PARD3B: variants seen among roughly 807,000 people sequenced by gnomAD.
PARD3B encodes partitioning defective 3 homolog B.
In PARD3B, 103 loss-of-function variants were observed where a neutral mutation model predicts 130.2. The ratio of observed to expected loss-of-function variants is 0.79; its 90% CI spans 0.67 to 0.93. PARD3B has a LOEUF of 0.93. Ranked by LOEUF, PARD3B falls within the 40% of genes least tolerant of loss-of-function variation. The pLI, the probability that PARD3B is intolerant of heterozygous loss-of-function variation, is 0.00. For missense variants in PARD3B, 1,609 were observed against 1,499.2 expected (o/e 1.07, Z -1.21); for synonymous variants, 583 against 553.2 (o/e 1.05, Z -0.76).
intron 22 of PARD3B, among the ~76,000 whole-genome samples, chr2:205,588,533 G>A (rs150587768): frequency 2.4e-4 from 36 of 151,734 alleles, no homozygotes; most frequent in East Asian, 7.7e-4. Flanking sequence ...GTGTGTGTGC[G>A]TGTGCATATC....
chr2:205,300,379 C>G lies in PARD3B; in HGVS notation c.2186-151C>G. On this transcript the variant is annotated intron_variant, in intron 16 of 22. Coordinates refer to ENST00000406610, the MANE Select transcript of PARD3B (RefSeq NM_001302769.2). This position sits in a 1 kb window ranked among gnomAD's most constrained non-coding sequence, Gnocchi z 4.1. Reference sequence around the variant, plus strand: ...AAGTCAAACCACTTGTTCAAGGTTACAAAAGGTGGCAAAGCTGGAGTATAA... The same window carrying G: ...AAGTCAAACCACTTGTTCAAGGTTAGAAAAGGTGGCAAAGCTGGAGTATAA... 1.5e-6 allele frequency: 1 copy of G among 680,736 alleles called. No homozygotes were observed. Among genetic ancestry groups the G allele is most frequent in the South Asian group, 1.9e-5 (1 of 54,004 alleles). The allele number at this position is 680,736 out of a possible 1,614,324, so 42.2% of individuals were successfully genotyped here.
chr2:204,778,536 G>A (rs948328988), intron 2 of PARD3B, among the ~76,000 whole-genome samples: 1 of 148,866 alleles, frequency 6.7e-6, no homozygotes, highest in African/African-American at 2.5e-5. Flanking sequence ...GGTTGTACAT[G>A]GATGATAGTG....
rs539488728 is a variant in PARD3B at position 204,737,099 on chromosome 2, T to C, written c.222+50817T>C. Among the ~76,000 whole-genome samples, 5 of 152,106 alleles carry C rather than the reference T, an allele frequency of 3.3e-5. No homozygotes were observed. In the South Asian group the frequency reaches 1.0e-3, roughly 32 times the overall value. The stretch of plus-strand genomic sequence containing the variant: ...GTAGCTGGAATTACAGCTATGGAAT[T>C]ACAGCTGGAATTACAGCACATGCCA... On this transcript the variant is annotated intron_variant, in intron 2 of 22. Coordinates refer to ENST00000406610, the MANE Select transcript of PARD3B (RefSeq NM_001302769.2).
At chr2:204,685,501 G>A (rs1233942228) in intron 1 of PARD3B, among the ~76,000 whole-genome samples, 2 of 152,182 alleles carry the variant, frequency 1.3e-5, no homozygotes, top group African/African-American at 4.8e-5. Context: ...GTTTTTAAAA[G>A]TAAGCAGTTT....
intron 2 of PARD3B, among the ~76,000 whole-genome samples, chr2:204,752,435 C>T (rs1008711246): frequency 6.6e-6 from 1 of 152,150 alleles, no homozygotes; most frequent in African/African-American, 2.4e-5. Context: ...AAGCACACAT[C>T]TAATGAATTC....
At chr2:205,088,233 G>A (rs1701862233) in intron 4 of PARD3B, among the ~76,000 whole-genome samples, 1 of 152,130 alleles carries the variant, frequency 6.6e-6, no homozygotes. Context: ...ACTCAGTGAT[G>A]CATTTGACAG....
chr2:204,796,358 T>C (rs777858055), intron 2 of PARD3B, among the ~76,000 whole-genome samples: 2 of 152,196 alleles, frequency 1.3e-5, no homozygotes, highest in Non-Finnish European at 2.9e-5. Context: ...ATAGTCCTTC[T>C]TGGGAAAAGA....
chr2:205,535,093 T>C (rs1428023610), intron 21 of PARD3B, among the ~76,000 whole-genome samples: 1 of 152,206 alleles, frequency 6.6e-6, no homozygotes. Flanking sequence ...TGTAGACATA[T>C]TGCCCCCATA....
chr2:204,966,486 T>C (rs1463178924), intron 3 of PARD3B, among the ~76,000 whole-genome samples: 1 of 152,138 alleles, frequency 6.6e-6, no homozygotes, highest in Non-Finnish European at 1.5e-5. Context: ...GGATGCCTTT[T>C]TATCCATTAT....
intron 19 of PARD3B, among the ~76,000 whole-genome samples, chr2:205,430,111 A>G (rs2047278794): frequency 6.6e-6 from 1 of 152,238 alleles, no homozygotes; most frequent in Non-Finnish European, 1.5e-5. Flanking sequence ...GTATCCAAAT[A>G]GGATTGCATC....
rs576635206 is a variant in PARD3B, at chr2:205,023,243, G to T, written c.395-24338G>T. Among the ~76,000 whole-genome samples the T allele has an allele frequency of 1.1e-4, 16 of 152,224 alleles. No individual in the cohort carries two copies. In the South Asian group the frequency reaches 3.1e-3, roughly 30 times the overall value. ...CCCACTGGGCAGGATTGCAGAGAAG[G>T]CTTTGTTTTCAACACCATCTGGCAC... On this transcript the variant is annotated intron_variant, in intron 3 of 22. Transcript: ENST00000406610.
At chr2:204,935,380 A>AC (rs1559276173) in intron 2 of PARD3B, among the ~76,000 whole-genome samples, 1 of 148,700 alleles carries the variant, frequency 6.7e-6, no homozygotes. Flanking sequence ...ATACAAAAAA[A>AC]AAAAAAAAAT....
At chr2:204,589,441 C>G (rs139214992) in intron 1 of PARD3B, among the ~76,000 whole-genome samples, 13 of 152,304 alleles carry the variant, frequency 8.5e-5, no homozygotes, top group Admixed American at 4.6e-4. Flanking sequence ...TTACTGGGAG[C>G]CAGTATGGAC....
At position 205,585,459 on chromosome 2, in the gene PARD3B, G is replaced by A. The variant is rs80181585; in HGVS notation, c.3261-29997G>A. On this transcript the variant is annotated intron_variant, in intron 22 of 22. Transcript: ENST00000406610. The surrounding 1 kb of genome is among the most constrained non-coding windows in gnomAD (Gnocchi z 5.4). The stretch of plus-strand genomic sequence containing the variant: ...TCCAACCTAATGAATCATTTAATGG[G>A]GATGAGAAGGCCAGGATGGTAGCCT... Among the ~76,000 whole-genome samples the A allele has an allele frequency of 2.4e-3, 365 of 152,236 alleles. No individual in the cohort carries two copies. The highest frequency in any genetic ancestry group is 8.0e-3 in the African/African-American group (332 of 41,540).
intron 1 of PARD3B, among the ~76,000 whole-genome samples, chr2:204,572,927 A>C (rs2032076642): frequency 6.6e-6 from 1 of 152,186 alleles, no homozygotes; most frequent in Non-Finnish European, 1.5e-5. Context: ...GGAAATGACC[A>C]CTCTCTTCTT....
chr2:205,003,825 T>C (rs1490156438), intron 3 of PARD3B, among the ~76,000 whole-genome samples: 2 of 152,194 alleles, frequency 1.3e-5, no homozygotes, highest in African/African-American at 4.8e-5. Flanking sequence ...AAACTGTTTT[T>C]TAATAAACAT....
rs2046076079 is a variant in PARD3B at position 205,397,526 on chromosome 2, A to T, written c.2631-3487A>T. On this transcript the variant is annotated intron_variant, in intron 18 of 22. Transcript: ENST00000406610. This position sits in a 1 kb window ranked among gnomAD's most constrained non-coding sequence, Gnocchi z 4.8. ...CATTTTAGCTACCAGAAACAAAAAT[A>T]ATTTATTGGGTGTGGTAATAAACAT... 6.6e-6 allele frequency among the ~76,000 whole-genome samples: 1 copy of T among 152,206 alleles called. No individual in the cohort carries two copies. Among genetic ancestry groups the T allele is most frequent in the Non-Finnish European group, 1.5e-5 (1 of 68,028 alleles).
rs534919581 is a variant in PARD3B at position 204,610,146 on chromosome 2, C to G, written c.120+64027C>G. On this transcript the variant is annotated intron_variant, in intron 1 of 22. Coordinates refer to ENST00000406610, the MANE Select transcript of PARD3B (RefSeq NM_001302769.2). This position sits in a 1 kb window ranked among gnomAD's most constrained non-coding sequence, Gnocchi z 4.1. ...AGGTTTAAGGAGGTTTGTCCCACCT[C>G]CCTTCCCATCGTGGCTGGAAATTCA... Among the ~76,000 whole-genome samples, 1 of 152,180 alleles carries G rather than the reference C, an allele frequency of 6.6e-6. No individual in the cohort carries two copies. The highest frequency in any genetic ancestry group is 2.4e-5 in the African/African-American group (1 of 41,516).
intron 1 of PARD3B, among the ~76,000 whole-genome samples, chr2:204,570,203 CTTG>C (rs1221564009): frequency 6.6e-6 from 1 of 152,144 alleles, no homozygotes; most frequent in African/African-American, 2.4e-5. Flanking sequence ...CAAGGGAGAG[CTTG>C]TTGTACTCTG....
Sources: gnomAD v4.1 joint callset for allele counts (sites outside exome capture counted in the v4.1 genomes callset) on GRCh38, gnomAD v4.1.1 for gene constraint, Gnocchi (gnomAD v3.1) non-coding constraint, MANE v1.5 for transcripts, NCBI Gene and HGNC (gene_info 2026-07-23, HGNC 2026-07-21) for gene names.